NCKAP5: variants seen among roughly 807,000 people sequenced by gnomAD.
The protein encoded by NCKAP5 is nck-associated protein 5.
In NCKAP5, 92 loss-of-function variants were observed where a neutral mutation model predicts 167.0. That is an observed-to-expected ratio of 0.55 (90% CI 0.47 to 0.66). NCKAP5 has a LOEUF of 0.66. Among genes scored for constraint, NCKAP5 ranks in the 30% least tolerant of loss-of-function variants. The probability of loss-of-function intolerance (pLI) is 0.00; values close to 1 mark genes in which losing one functional copy is unlikely to be tolerated. For synonymous variants in NCKAP5, 891 were observed against 877.4 expected, an observed-to-expected ratio of 1.02 and a Z score of -0.27; for missense variants, 2,378 against 2,315.0, an observed-to-expected ratio of 1.03 and a Z score of -0.56.
At chr2:133,372,401 T>G (rs1445438218) in intron 3 of NCKAP5, among the ~76,000 whole-genome samples, 1 of 152,236 alleles carries the variant, frequency 6.6e-6, no homozygotes, top group Non-Finnish European at 1.5e-5. Flanking sequence ...ATGTGGGATT[T>G]TAAGCCTGTA....
At chr2:133,485,428 A>G (rs1198701384) in intron 3 of NCKAP5, among the ~76,000 whole-genome samples, 2 of 152,160 alleles carry the variant, frequency 1.3e-5, no homozygotes, top group East Asian at 3.9e-4. Context: ...CAGCTTCTAG[A>G]TGACCATATT....
chr2:132,688,098 T>A (rs1423241975), intron 19 of NCKAP5, among the ~76,000 whole-genome samples: 2 of 152,186 alleles, frequency 1.3e-5, no homozygotes, highest in African/African-American at 4.8e-5. Context: ...AATCTGTGAA[T>A]GAATTATGGC....
chr2:132,867,168 C>T (rs1464657460), intron 10 of NCKAP5, among the ~76,000 whole-genome samples: 3 of 151,448 alleles, frequency 2.0e-5, no homozygotes, highest in East Asian at 1.9e-4. Flanking sequence ...TCCTTTTTAT[C>T]GTACCAAATG....
chr2:132,971,993 A>T (rs2076849315), intron 7 of NCKAP5, among the ~76,000 whole-genome samples: 1 of 152,218 alleles, frequency 6.6e-6, no homozygotes, highest in African/African-American at 2.4e-5. Context: ...TTTACTTTAG[A>T]TAAGCTTTTG....
At chr2:132,936,224 T>G (rs962977442) in intron 8 of NCKAP5, among the ~76,000 whole-genome samples, 3 of 152,124 alleles carry the variant, frequency 2.0e-5, no homozygotes, top group Non-Finnish European at 4.4e-5. Context: ...TGAAGTGATC[T>G]GCCCGCCTTG....
At chr2:133,075,133 T>G (rs1283375074) in intron 6 of NCKAP5, among the ~76,000 whole-genome samples, 1 of 152,176 alleles carries the variant, frequency 6.6e-6, no homozygotes, top group Non-Finnish European at 1.5e-5. Context: ...AAACATTACA[T>G]ATTTGAATGA....
chr2:132,905,468 T>G lies in NCKAP5; in HGVS notation c.580-26552A>C, dbSNP rs1215790737. Among the ~76,000 whole-genome samples the G allele has an allele frequency of 7.2e-5, 11 of 152,218 alleles. No individual in the cohort carries two copies. In the East Asian group the frequency reaches 1.9e-3, roughly 27 times the overall value. ...GTTCTACATGAACTATAGAACCATT[T>G]CAAATTCTTCCCATAGCTCTCCTCT... On this transcript the variant is annotated intron_variant, in intron 8 of 19. Transcript: ENST00000409261.
At chr2:133,035,731 GA>G (rs973708057) in intron 6 of NCKAP5, among the ~76,000 whole-genome samples, 1 of 150,054 alleles carries the variant, frequency 6.7e-6, no homozygotes, top group African/African-American at 2.4e-5. Context: ...TGTCTAAAAA[GA>G]AAAAAAACTT....
intron 19 of NCKAP5, among the ~76,000 whole-genome samples, chr2:132,723,001 A>T (rs902021921): frequency 6.6e-6 from 1 of 151,992 alleles, no homozygotes; most frequent in African/African-American, 2.4e-5. Flanking sequence ...ATTTAAAAAA[A>T]AAATTTGTAA....
intron 4 of NCKAP5, among the ~76,000 whole-genome samples, chr2:133,259,390 A>G (rs1260830415): frequency 6.6e-6 from 1 of 152,242 alleles, no homozygotes; most frequent in Non-Finnish European, 1.5e-5. Flanking sequence ...AACTAATTAC[A>G]TATTATAACT....
chr2:133,305,898 A>G (rs1288079097), intron 3 of NCKAP5, among the ~76,000 whole-genome samples: 1 of 152,216 alleles, frequency 6.6e-6, no homozygotes, highest in East Asian at 1.9e-4. Flanking sequence ...TTGCCTCAAT[A>G]TAACGCTAAC....
rs1463489686 is a variant in NCKAP5, at chr2:133,159,635, G to A, written c.208-29524C>T. ...GAGAACCACTGGCATGTTCCTGTAAGTTTTGAAAGGATTCAGAGGAGAGAA... is the reference window on the plus strand; with the variant it reads ...GAGAACCACTGGCATGTTCCTGTAAATTTTGAAAGGATTCAGAGGAGAGAA... On this transcript the variant is annotated intron_variant, in intron 5 of 19. Coordinates refer to ENST00000409261, the MANE Select transcript of NCKAP5 (RefSeq NM_207363.3). Among the ~76,000 whole-genome samples, 7 of 152,220 alleles carry A rather than the reference G, an allele frequency of 4.6e-5. No individual in the cohort carries two copies. In the East Asian group the frequency reaches 9.6e-4, roughly 21 times the overall value.
At chr2:133,607,147 C>A in the NCKAP5 span, among the ~76,000 whole-genome samples, 1 of 152,160 alleles carries the variant, frequency 6.6e-6, no homozygotes, top group East Asian at 1.9e-4. Flanking sequence ...ACATAAAAAG[C>A]CTTCATTACC....
chr2:132,976,070 AT>A (rs2076968947), intron 7 of NCKAP5, among the ~76,000 whole-genome samples: 1 of 152,188 alleles, frequency 6.6e-6, no homozygotes, highest in South Asian at 2.1e-4. Flanking sequence ...TTTTCTACCC[AT>A]TTTGTCACAA....
At chr2:133,059,279 G>A (rs2079909935) in intron 6 of NCKAP5, among the ~76,000 whole-genome samples, 1 of 152,088 alleles carries the variant, frequency 6.6e-6, no homozygotes, top group South Asian at 2.1e-4. Flanking sequence ...CAGCCTGGGC[G>A]ACAGAGCGAG....
At chr2:133,549,023 G>A (rs1240457271) in intron 2 of NCKAP5, among the ~76,000 whole-genome samples, 2 of 151,746 alleles carry the variant, frequency 1.3e-5, no homozygotes, top group African/African-American at 2.4e-5. Flanking sequence ...AAAATAAAAG[G>A]ATGGAGGAAG....
chr2:133,399,355 A>C (rs559266906), intron 3 of NCKAP5, among the ~76,000 whole-genome samples: 1 of 152,096 alleles, frequency 6.6e-6, no homozygotes, highest in African/African-American at 2.4e-5. Context: ...TTCATTGCAC[A>C]GATTAAGAAT....
intron 8 of NCKAP5, among the ~76,000 whole-genome samples, chr2:132,938,581 T>C (rs1697030659): frequency 6.6e-6 from 1 of 152,160 alleles, no homozygotes; most frequent in Admixed American, 6.5e-5. Flanking sequence ...GTTAAAGTCT[T>C]GGTGCTCCAC....
intron 8 of NCKAP5, among the ~76,000 whole-genome samples, chr2:132,888,392 T>C (rs1692422562): frequency 6.6e-6 from 1 of 152,156 alleles, no homozygotes; most frequent in Non-Finnish European, 1.5e-5. Flanking sequence ...TCTATATTTT[T>C]TCTTCTTTCT....
Sources: allele counts gnomAD v4.1 joint callset (sites outside exome capture counted in the v4.1 genomes callset), GRCh38; gene constraint gnomAD v4.1.1; transcripts MANE v1.5; gene names NCBI Gene and HGNC (gene_info 2026-07-23, HGNC 2026-07-21).